TMEM245: variants seen among roughly 807,000 people sequenced by gnomAD.
TMEM245 encodes the protein protein CG-2.
Under a neutral mutation model 101.2 loss-of-function variants are expected in TMEM245, and 69 were observed. The ratio of observed to expected loss-of-function variants is 0.68; its 90% CI spans 0.56 to 0.83. The LOEUF (loss-of-function observed/expected upper bound fraction) is 0.83. Ranked by LOEUF, TMEM245 falls within the 40% of genes least tolerant of loss-of-function variation. The pLI is 0.00. For synonymous variants in TMEM245, 537 were observed against 449.8 expected (o/e 1.19, Z -2.45); for missense variants, 1,075 against 1,092.8 (o/e 0.98, Z 0.23).
At chr9:109,044,036 C>T (rs1476297642) in intron 14 of TMEM245, among the ~76,000 whole-genome samples, 1 of 152,156 alleles carries the variant, frequency 6.6e-6, no homozygotes, top group Non-Finnish European at 1.5e-5. Context: ...AATAATAACT[C>T]CTCTGCACCA....
At chr9:109,030,330 T>C (rs1350250353) in intron 17 of TMEM245, among the ~76,000 whole-genome samples, 1 of 149,174 alleles carries the variant, frequency 6.7e-6, no homozygotes, top group Admixed American at 6.6e-5. Context: ...AGACAAAGGC[T>C]ATATGGGTCC....
chr9:109,022,368 C>T (rs1285273725), intron 17 of TMEM245, among the ~76,000 whole-genome samples: 5 of 152,126 alleles, frequency 3.3e-5, no homozygotes, highest in Non-Finnish European at 7.4e-5. Flanking sequence ...GCTGGCTGAT[C>T]TAATAATTGA....
chr9:109,059,881 A>C (rs1439787483), intron 11 of TMEM245, among the ~76,000 whole-genome samples: 1 of 151,834 alleles, frequency 6.6e-6, no homozygotes, highest in Non-Finnish European at 1.5e-5. Context: ...TGCTGGTATA[A>C]AATGCATGCT....
chr9:109,020,640 T>C lies in TMEM245; in HGVS notation c.2595-135A>G, dbSNP rs1827592873. ...ATTTTCATTGAGTATTGTTTCAAAG[T>C]CTGCTAGTTGTTGCTCATTCTCATT... On this transcript the variant is annotated intron_variant, in intron 17 of 17. Coordinates refer to ENST00000374586, the MANE Select transcript of TMEM245 (RefSeq NM_032012.4). 3.8e-6 allele frequency: 3 copies of C among 783,398 alleles called. No individual in the cohort carries two copies. The East Asian group carries it at 8.2e-5, about 21-fold the overall frequency. 48.5% of individuals were successfully genotyped at this position (783,398 alleles called of 1,614,324 possible).
At chr9:109,115,522 C>CTTTTTTTT (rs752894720) in intron 1 of TMEM245, among the ~76,000 whole-genome samples, 2 of 67,194 alleles carry the variant, frequency 3.0e-5, no homozygotes, top group African/African-American at 6.2e-5. Flanking sequence ...TAACTGGAAT[C>CTTTTTTTT]TTTTTTTTTT....
intron 10 of TMEM245, among the ~76,000 whole-genome samples, chr9:109,060,744 C>T (rs1333819859): frequency 6.6e-6 from 1 of 152,184 alleles, no homozygotes; most frequent in Non-Finnish European, 1.5e-5. Flanking sequence ...CTTATCTGAT[C>T]TTACCTGTCC....
At chr9:109,112,576 T>C (rs986622438) in intron 1 of TMEM245, among the ~76,000 whole-genome samples, 1 of 149,564 alleles carries the variant, frequency 6.7e-6, no homozygotes, top group Admixed American at 6.7e-5. Context: ...TATCTCTAAG[T>C]GCTAATAAGG....
chr9:109,059,499 G>A (rs1469476759), intron 11 of TMEM245, among the ~76,000 whole-genome samples: 1 of 151,998 alleles, frequency 6.6e-6, no homozygotes, highest in Non-Finnish European at 1.5e-5. Context: ...GGACAACATG[G>A]CAAAACCCTG....
intron 1 of TMEM245, among the ~76,000 whole-genome samples, chr9:109,117,762 A>G (rs1225353472): frequency 6.6e-6 from 1 of 152,232 alleles, no homozygotes; most frequent in Admixed American, 6.5e-5. Flanking sequence ...AGTTTGATGG[A>G]TATGCTCCTT....
intron 3 of TMEM245, among the ~76,000 whole-genome samples, chr9:109,097,925 T>A (rs143383015): frequency 1.3e-5 from 2 of 151,918 alleles, no homozygotes; most frequent in East Asian, 3.9e-4. Context: ...TCTTGAAAAA[T>A]AAATAAATAA....
chr9:109,074,110 T>C lies in TMEM245; in HGVS notation c.1450-672A>G, dbSNP rs149806283. Among the ~76,000 whole-genome samples the C allele has an allele frequency of 2.5e-3, 380 of 152,246 alleles. 2 individuals carry two copies. The highest frequency in any genetic ancestry group is 8.6e-3 in the African/African-American group (358 of 41,534). ...CCTGACCTCAAGGGATCTATCCACC[T>C]TGGCCTCCCAAAGTGCTAGGATTAC... On this transcript the variant is annotated intron_variant, in intron 8 of 17. Transcript: ENST00000374586.
intron 1 of TMEM245, among the ~76,000 whole-genome samples, chr9:109,118,773 T>C (rs975306006): frequency 6.6e-6 from 1 of 152,236 alleles, no homozygotes; most frequent in Non-Finnish European, 1.5e-5. Context: ...AGGAATCACC[T>C]GAACTGAGAG....
chr9:109,086,023 T>G lies in TMEM245; in HGVS notation c.1321-3A>C. On this transcript the variant is annotated splice_polypyrimidine_tract_variant and splice_region_variant and intron_variant, in intron 6 of 17. Transcript: ENST00000374586. ...TTCTTATTTAGCCAGTGCCAGAGCT[T>G]GAGGATAGGGGGTAAGGTGAGAAAG... 1 of 1,613,392 alleles carries G rather than the reference T, an allele frequency of 6.2e-7. No homozygotes were observed. The highest frequency in any genetic ancestry group is 8.5e-7 in the Non-Finnish European group (1 of 1,179,908).
intron 10 of TMEM245, among the ~76,000 whole-genome samples, chr9:109,063,136 T>C (rs988888796): frequency 1.3e-5 from 2 of 152,084 alleles, no homozygotes; most frequent in African/African-American, 4.8e-5. Flanking sequence ...TTTTTCTTTT[T>C]TTTGAGATGG....
chr9:109,082,198 A>T (rs766735004), intron 7 of TMEM245, among the ~76,000 whole-genome samples: 10 of 152,178 alleles, frequency 6.6e-5, no homozygotes, highest in Admixed American at 2.0e-4. Context: ...TTTTTCATCA[A>T]GGGCACTGTC....
At position 109,060,410 on chromosome 9, in the gene TMEM245, T is replaced by C. The variant is rs150060338; in HGVS notation, c.1666A>G (p.Ile556Val). The C allele has an allele frequency of 6.2e-7, 1 of 1,613,844 alleles. No individual in the cohort carries two copies. The highest frequency in any genetic ancestry group is 1.3e-5 in the African/African-American group (1 of 75,048). Residue 556 changes from isoleucine (I) to valine (V), a missense_variant, in exon 11 of 18, where the codon ATT becomes GTT. By Grantham distance (29) the Ile-to-Val change is conservative. Coordinates refer to ENST00000374586, the MANE Select transcript of TMEM245 (RefSeq NM_032012.4). ...LGDKVNNTAV[I>V]EKQVLELWDR... ...CAAAGTTCTAGTACTTGCTTTTCAA[T>C]TACAGCAGTATTGTTCACCTTATCT...
chr9:109,046,367 T>G, intron 14 of TMEM245: 1 of 497,282 alleles, frequency 2.0e-6, no homozygotes, highest in South Asian at 1.5e-5. Flanking sequence ...GACAACATGC[T>G]GCTGAAGAGA....
chr9:109,090,810 G>T, intron 5 of TMEM245, 112 bp downstream of exon 5: 1 of 910,876 alleles, frequency 1.1e-6, no homozygotes, highest in Non-Finnish European at 1.6e-6. Flanking sequence ...ACATAAGATT[G>T]TTTTACTTTG....
At chr9:109,118,729 C>T (rs1294537560) in intron 1 of TMEM245, among the ~76,000 whole-genome samples, 2 of 152,232 alleles carry the variant, frequency 1.3e-5, no homozygotes, top group Non-Finnish European at 2.9e-5. Context: ...GAAGCACAGG[C>T]AGCTCAGCAC....
Sources: allele counts gnomAD v4.1 joint callset (sites outside exome capture counted in the v4.1 genomes callset), GRCh38; gene constraint gnomAD v4.1.1; transcripts MANE v1.5; gene names NCBI Gene and HGNC (gene_info 2026-07-23, HGNC 2026-07-21).